Variants in OGDHL observed in about 807,000 individuals in gnomAD.
OGDHL encodes the protein 2-oxoglutarate dehydrogenase-like, mitochondrial.
Under a neutral mutation model 109.6 loss-of-function variants are expected in OGDHL, and 79 were observed. That is an observed-to-expected ratio of 0.72 (90% CI 0.60 to 0.87). The LOEUF (loss-of-function observed/expected upper bound fraction) is 0.87, where lower values mean the gene tolerates loss of function less well. Among genes scored for constraint, OGDHL ranks in the 40% least tolerant of loss-of-function variants. The probability of loss-of-function intolerance (pLI) is 0.00; values close to 1 mark genes in which losing one functional copy is unlikely to be tolerated. For synonymous variants in OGDHL, 528 were observed against 537.2 expected, an observed-to-expected ratio of 0.98 and a Z score of 0.24; for missense variants, 1,275 against 1,362.2, an observed-to-expected ratio of 0.94 and a Z score of 1.01.
At chr10:49,761,263 G>A (rs1054415081) in intron 1 of OGDHL, among the ~76,000 whole-genome samples, 2 of 152,182 alleles carry the variant, frequency 1.3e-5, no homozygotes, top group African/African-American at 2.4e-5. Context: ...AGGTCACATA[G>A]CATCCCCAAC....
Position 49,739,820 on chromosome 10 carries a change from G to A in OGDHL, c.2160C>T (p.Ala720=). ...YGVLGFELGY[A]MASPNALVLW... ...GGACCAGGGCATTGGGGCTGGCCATGGCATAGCCCAGCTCAAAGCCTAAAC... is the reference window on the plus strand; with the variant it reads ...GGACCAGGGCATTGGGGCTGGCCATAGCATAGCCCAGCTCAAAGCCTAAAC... Residue 720 remains alanine (A), a synonymous_variant, in exon 17 of 23, where the codon GCC becomes GCT. Coordinates refer to ENST00000374103, the MANE Select transcript of OGDHL (RefSeq NM_018245.3). 1 of 1,613,932 alleles carries A rather than the reference G, an allele frequency of 6.2e-7. No homozygotes were observed. The highest frequency in any genetic ancestry group is 8.5e-7 in the Non-Finnish European group (1 of 1,179,880).
chr10:49,759,068 G>A (rs1843102473), intron 1 of OGDHL, among the ~76,000 whole-genome samples: 2 of 152,172 alleles, frequency 1.3e-5, no homozygotes, highest in Non-Finnish European at 2.9e-5. Flanking sequence ...TGCATGGTCA[G>A]GGAAAAGCAG....
intron 14 of OGDHL, 59 bp downstream of exon 14, chr10:49,743,935 G>A (rs41281979): frequency 0.036 from 57,103 of 1,577,942 alleles, 1,339 homozygotes; most frequent in South Asian, 0.087. Flanking sequence ...ATCTCCCTTC[G>A]AGGCACAGTG....
In OGDHL at chr10:49,747,117, T is replaced by C. The variant is rs960953073; in HGVS notation, c.1079A>G (p.Asn360Ser). Residue 360 changes from asparagine to serine, a missense_variant, in exon 9 of 23, where the codon AAC becomes AGC. By Grantham distance (46) the Asn-to-Ser change is conservative (BLOSUM62 1). Coordinates refer to ENST00000374103, the MANE Select transcript of OGDHL (RefSeq NM_018245.3). The part of the protein sequence containing the change: ...NRNITLSLVA[N>S]PSHLEAVDPV... ...GTCCACTGCCTCCAGGTGGGAGGGG[T>C]TGGCAACCAGCGACAGAGTGATGTT... The C allele has an allele frequency of 1.2e-6, 2 of 1,614,060 alleles. No homozygotes were observed. Among genetic ancestry groups the C allele is most frequent in the Admixed American group, 1.7e-5 (1 of 60,028 alleles).
chr10:49,739,769 G>C lies in OGDHL; in HGVS notation c.2211C>G (p.Phe737Leu). ...CGATGATGCACTGGGCCGTGTTGTG[G>C]AAGTCCCCAAACTGGGCCTCCCAGA... is the stretch of plus-strand genomic sequence containing the variant. ...LVLWEAQFGD[F>L]HNTAQCIIDQ... The change falls in exon 17 of 23, where the codon TTC becomes TTG. Residue 737 changes from phenylalanine (F) to leucine (L), a missense_variant. Transcript: ENST00000374103. 1 of 1,614,138 alleles carries C rather than the reference G, an allele frequency of 6.2e-7. No homozygotes were observed. The highest frequency in any genetic ancestry group is 8.5e-7 in the Non-Finnish European group (1 of 1,179,998).
Position 49,740,780 on chromosome 10 carries a change from C to T in OGDHL, c.2070G>A (p.Met690Ile). The T allele has an allele frequency of 1.2e-6, 2 of 1,613,948 alleles. No individual in the cohort carries two copies. The highest frequency in any genetic ancestry group is 1.1e-5 in the South Asian group (1 of 91,082). The change falls in exon 16 of 23, where the codon ATG becomes ATA. Residue 690 changes from methionine (M) to isoleucine (I), a missense_variant. Transcript: ENST00000374103. ...GGGCCTGGTCAGGCCAGAGATGATTCATAGGCACACACGTCCTGCGGTCAA... is the reference window on the plus strand; with the variant it reads ...GGGCCTGGTCAGGCCAGAGATGATTTATAGGCACACACGTCCTGCGGTCAA... ...QEVDRRTCVP[M>I]NHLWPDQAPY...
In OGDHL at chr10:49,746,524, G is replaced by A. The variant is rs532299408; in HGVS notation, c.1296+226C>T. Among the ~76,000 whole-genome samples the A allele has an allele frequency of 3.9e-5, 6 of 152,316 alleles. No homozygotes were observed. In the East Asian group the frequency reaches 9.6e-4, roughly 24 times the overall value. On this transcript the variant is annotated intron_variant, in intron 10 of 22. Coordinates refer to ENST00000374103, the MANE Select transcript of OGDHL (RefSeq NM_018245.3). ...CACGGCCAGCCTCCATGAGGCACTC[G>A]CTACACAGGTGCTCCTTTGGTCCTT...
chr10:49,751,337 C>T (rs1414679541), intron 6 of OGDHL, among the ~76,000 whole-genome samples: 2 of 152,070 alleles, frequency 1.3e-5, no homozygotes, highest in Non-Finnish European at 2.9e-5. Context: ...GGGCTCTCTT[C>T]GCCAAGTCCC....
Position 49,750,924 on chromosome 10 carries a change from C to T in OGDHL, c.811G>A (p.Glu271Lys), listed in dbSNP as rs1453362907. The change falls in exon 7 of 23, where the codon GAA (glutamate) becomes AAA (lysine). Residue 271 changes from glutamate (E) to lysine (K), a missense_variant. Coordinates refer to ENST00000374103, the MANE Select transcript of OGDHL (RefSeq NM_018245.3). ...SEKRFGLEGC[E>K]VMIPALKTII... ...GTCTTGAGGGCAGGAATCATCACTT[C>T]ACAGCCCTCCAGGCCAAACCGCTTC... 1 of 1,612,120 alleles carries T rather than the reference C, an allele frequency of 6.2e-7. No individual in the cohort carries two copies. The highest frequency in any genetic ancestry group is 1.3e-5 in the African/African-American group (1 of 74,890).
chr10:49,752,079 G>A, intron 5 of OGDHL, 54 bp downstream of exon 5: 2 of 1,608,890 alleles, frequency 1.2e-6, no homozygotes, highest in South Asian at 2.2e-5. Flanking sequence ...CCCGTCCTCT[G>A]GCAAGCTCCA....
Position 49,736,175 on chromosome 10 carries a change from G to C in OGDHL, c.2757C>G (p.Ile919Met). The change falls in exon 22 of 23, where the codon ATC becomes ATG. Residue 919 changes from isoleucine to methionine, a missense_variant and splice_region_variant. By Grantham distance (10) the Ile-to-Met change is conservative. Transcript: ENST00000374103. ...TGATCAGGTCGAAGGGGAATGGAGAGATCTGGGGAGGCAGAAACAAAGGAG... is the reference window on the plus strand; with the variant it reads ...TGATCAGGTCGAAGGGGAATGGAGACATCTGGGGAGGCAGAAACAAAGGAG... ...EKVAITRLEQ[I>M]SPFPFDLIKQ... 6.3e-7 allele frequency: 1 copy of C among 1,587,018 alleles called. No individual in the cohort carries two copies. Among genetic ancestry groups the C allele is most frequent in the Non-Finnish European group, 8.6e-7 (1 of 1,166,572 alleles).
chr10:49,735,907 G>C, intron 22 of OGDHL, 116 bp downstream of exon 22: 1 of 1,161,820 alleles, frequency 8.6e-7, no homozygotes, highest in Non-Finnish European at 1.2e-6. Context: ...CCCCATCATT[G>C]CTCATCACCA....
rs1384348098 is a variant in OGDHL, at chr10:49,738,282, A to G, written c.2320-20T>C. 2 of 1,611,880 alleles carry G rather than the reference A, an allele frequency of 1.2e-6. No individual in the cohort carries two copies. The highest frequency in any genetic ancestry group is 1.7e-6 in the Non-Finnish European group (2 of 1,179,922). On this transcript the variant is annotated intron_variant, in intron 17 of 22. Coordinates refer to ENST00000374103, the MANE Select transcript of OGDHL (RefSeq NM_018245.3). Reference sequence around the variant, plus strand: ...TGGGCCCTGAAAGCAAACGCCAGACAGCCAAGGCTGGACCCCACCATGGGA... The same window carrying G: ...TGGGCCCTGAAAGCAAACGCCAGACGGCCAAGGCTGGACCCCACCATGGGA...
At position 49,747,173 on chromosome 10, in the gene OGDHL, G is replaced by A. The variant is rs1403200866; in HGVS notation, c.1023C>T (p.Tyr341=). 1 of 1,614,182 alleles carries A rather than the reference G, an allele frequency of 6.2e-7. No individual in the cohort carries two copies. Among genetic ancestry groups the A allele is most frequent in the Non-Finnish European group, 8.5e-7 (1 of 1,180,008 alleles). The part of the protein sequence containing the change: ...SGDVKYHLGM[Y]HERINRVTNR... ...TGGTGACGCGGTTGATCCTCTCATG[G>A]TACATGCCCAGGTGGTACTTGACAT... Residue 341 remains tyrosine (Y), a synonymous_variant, in exon 9 of 23, where the codon TAC becomes TAT. Coordinates refer to ENST00000374103, the MANE Select transcript of OGDHL (RefSeq NM_018245.3).
At chr10:49,760,319 G>A (rs1588820214) in intron 1 of OGDHL, among the ~76,000 whole-genome samples, 4 of 152,328 alleles carry the variant, frequency 2.6e-5, no homozygotes, top group South Asian at 2.1e-4. Flanking sequence ...CCTAGAGCGC[G>A]GGGCACTTGG....
At chr10:49,745,230 T>C (rs953315195) in intron 12 of OGDHL, 114 bp downstream of exon 12, 1 of 1,346,634 alleles carries the variant, frequency 7.4e-7, no homozygotes, top group South Asian at 1.4e-5. Flanking sequence ...AGGACCATAG[T>C]GGCTACTTCT....
chr10:49,761,943 G>A (rs1383430632), intron 1 of OGDHL, among the ~76,000 whole-genome samples: 1 of 152,232 alleles, frequency 6.6e-6, no homozygotes, highest in South Asian at 2.1e-4. Flanking sequence ...GGGGCAGTCT[G>A]AAGTCCTCGG....
chr10:49,752,791 C>T (rs1351254629), intron 3 of OGDHL, 51 bp from the exon 4 acceptor site: 1 of 1,339,072 alleles, frequency 7.5e-7, no homozygotes, highest in African/African-American at 1.4e-5. Context: ...CTGGACAGAC[C>T]TCCTCCAGGG....
chr10:49,757,017 G>A, intron 2 of OGDHL, 71 bp from the exon 3 acceptor site: 1 of 1,507,056 alleles, frequency 6.6e-7, no homozygotes, highest in Non-Finnish European at 8.9e-7. Context: ...CCAGGCTGGG[G>A]CCCCAAGGAG....
Sources: allele counts gnomAD v4.1 joint callset (sites outside exome capture counted in the v4.1 genomes callset), GRCh38; gene constraint gnomAD v4.1.1; transcripts MANE v1.5; gene names NCBI Gene and HGNC (gene_info 2026-07-23, HGNC 2026-07-21).